SCHIP1: variants seen among roughly 807,000 people sequenced by gnomAD.
The protein encoded by SCHIP1 is schwannomin-interacting protein 1.
Under a neutral mutation model 29.7 loss-of-function variants are expected in SCHIP1, and 8 were observed. The ratio of observed to expected loss-of-function variants is 0.27; its 90% CI spans 0.16 to 0.49. The LOEUF is 0.49. SCHIP1 is among the 20% of genes least tolerant of loss of function. The probability of loss-of-function intolerance (pLI) is 0.99; values close to 1 mark genes in which losing one functional copy is unlikely to be tolerated. For synonymous variants in SCHIP1, 76 were observed against 94.9 expected, an observed-to-expected ratio of 0.80 and a Z score of 1.16; for missense variants, 193 against 294.6, an observed-to-expected ratio of 0.66 and a Z score of 2.52.
the SCHIP1 span, among the ~76,000 whole-genome samples, chr3:159,754,239 G>A: frequency 1.3e-5 from 2 of 152,194 alleles, no homozygotes; most frequent in African/African-American, 2.4e-5. Flanking sequence ...GTTTGTATCA[G>A]TCAATTTATA....
chr3:159,571,462 G>C, the SCHIP1 span, among the ~76,000 whole-genome samples: 2 of 152,142 alleles, frequency 1.3e-5, no homozygotes, highest in Non-Finnish European at 2.9e-5. Context: ...AACCAGCCTT[G>C]CATCCCAGGG....
At chr3:159,721,167 T>C in the SCHIP1 span, among the ~76,000 whole-genome samples, 3 of 152,174 alleles carry the variant, frequency 2.0e-5, no homozygotes, top group Non-Finnish European at 4.4e-5. Flanking sequence ...ATTGCATATA[T>C]AATGATAAAA....
At chr3:159,650,392 T>A in the SCHIP1 span, among the ~76,000 whole-genome samples, 3 of 152,260 alleles carry the variant, frequency 2.0e-5, no homozygotes, top group African/African-American at 7.2e-5. Context: ...CAAAATAAAA[T>A]TGTTGTAGAA....
the SCHIP1 span, among the ~76,000 whole-genome samples, chr3:159,636,526 C>T: frequency 3.9e-5 from 6 of 152,152 alleles, no homozygotes; most frequent in Non-Finnish European, 7.3e-5. Context: ...TAAAAGTTAT[C>T]AAGCTATAAG....
At chr3:159,596,523 A>G in the SCHIP1 span, among the ~76,000 whole-genome samples, 1 of 152,210 alleles carries the variant, frequency 6.6e-6, no homozygotes, top group African/African-American at 2.4e-5. Flanking sequence ...GGCACTATTC[A>G]CAATAGCAAA....
the SCHIP1 span, among the ~76,000 whole-genome samples, chr3:159,567,798 C>T: frequency 1.3e-5 from 2 of 151,988 alleles, no homozygotes; most frequent in Non-Finnish European, 2.9e-5. Flanking sequence ...TTTCTCAATC[C>T]TTTGCTCCCC....
chr3:159,507,438 C>G, the SCHIP1 span, among the ~76,000 whole-genome samples: 5 of 152,158 alleles, frequency 3.3e-5, no homozygotes, highest in Non-Finnish European at 7.3e-5. Context: ...TTCCTCTTTT[C>G]CTAATTGAAT....
At chr3:159,522,975 C>A in the SCHIP1 span, among the ~76,000 whole-genome samples, 1 of 152,116 alleles carries the variant, frequency 6.6e-6, no homozygotes, top group East Asian at 1.9e-4. Flanking sequence ...TTCAAACATA[C>A]GCAAAAATAG....
the SCHIP1 span, among the ~76,000 whole-genome samples, chr3:159,733,130 A>C: frequency 6.6e-6 from 1 of 152,216 alleles, no homozygotes; most frequent in Non-Finnish European, 1.5e-5. Flanking sequence ...GAAACATCTC[A>C]GATTTTCTGT....
the SCHIP1 span, among the ~76,000 whole-genome samples, chr3:159,833,667 A>G: frequency 3.9e-5 from 6 of 152,292 alleles, no homozygotes; most frequent in Non-Finnish European, 7.4e-5. Flanking sequence ...TACAGCTTCA[A>G]CTGTCCTCTC....
the SCHIP1 span, among the ~76,000 whole-genome samples, chr3:159,626,132 A>C: frequency 9.7e-4 from 118 of 121,610 alleles, 11 homozygotes; most frequent in African/African-American, 6.0e-3. Flanking sequence ...ATAGATAGAT[A>C]GATAGATATA....
the SCHIP1 span, among the ~76,000 whole-genome samples, chr3:159,336,697 G>A: frequency 6.6e-6 from 1 of 152,072 alleles, no homozygotes; most frequent in African/African-American, 2.4e-5. Flanking sequence ...TTTTCCATTG[G>A]TCTATATCTC....
chr3:159,638,617 A>G, the SCHIP1 span, among the ~76,000 whole-genome samples: 1 of 146,274 alleles, frequency 6.8e-6, no homozygotes, highest in African/African-American at 2.5e-5. Context: ...TTATAGAGGA[A>G]AAAAAAAAAA....
In SCHIP1 at chr3:159,891,707, C is replaced by T. The variant is rs536630796; in HGVS notation, c.590-390C>T. On this transcript the variant is annotated intron_variant, in intron 5 of 6. Coordinates refer to ENST00000445224, the Ensembl canonical transcript of SCHIP1. ...GGCATCTAATGTAGTAGTCAGGCTC[C>T]GAGGGGCCCCTCCTGACTGTCAGCG... Among the ~76,000 whole-genome samples, 6 of 152,218 alleles carry T rather than the reference C, an allele frequency of 3.9e-5. No individual in the cohort carries two copies. The East Asian group carries it at 7.7e-4, about 20-fold the overall frequency.
the SCHIP1 span, among the ~76,000 whole-genome samples, chr3:159,337,437 T>C: frequency 2.0e-5 from 3 of 152,246 alleles, no homozygotes; most frequent in Admixed American, 1.3e-4. Context: ...TGATTGTATA[T>C]CCAGAAAACC....
the SCHIP1 span, among the ~76,000 whole-genome samples, chr3:159,704,367 G>A: frequency 7.4e-5 from 11 of 148,944 alleles, no homozygotes; most frequent in East Asian, 4.0e-4. Context: ...CCTGGGAGGC[G>A]GAGGTTGTAG....
the SCHIP1 span, among the ~76,000 whole-genome samples, chr3:159,536,413 C>T: frequency 6.6e-6 from 1 of 152,174 alleles, no homozygotes; most frequent in Non-Finnish European, 1.5e-5. Context: ...GGAAATTAGC[C>T]AGTCAGCTTT....
At chr3:159,501,488 T>C in the SCHIP1 span, among the ~76,000 whole-genome samples, 1 of 152,188 alleles carries the variant, frequency 6.6e-6, no homozygotes, top group East Asian at 1.9e-4. Flanking sequence ...GATAACCAGA[T>C]AAACAGTGTC....
chr3:159,654,866 G>A, the SCHIP1 span, among the ~76,000 whole-genome samples: 13 of 147,990 alleles, frequency 8.8e-5, no homozygotes, highest in African/African-American at 2.3e-4. Context: ...CACATTCAAA[G>A]TGACATACTG....
Sources: gnomAD v4.1 joint callset for allele counts (sites outside exome capture counted in the v4.1 genomes callset) on GRCh38, gnomAD v4.1.1 for gene constraint, MANE v1.5 for transcripts, NCBI Gene and HGNC (gene_info 2026-07-23, HGNC 2026-07-21) for gene names.